Variants in STYX observed in about 807,000 individuals in gnomAD.
STYX encodes the protein serine/threonine/tyrosine-interacting protein.
In STYX, 20 loss-of-function variants were observed where a neutral mutation model predicts 42.7. That is an observed-to-expected ratio of 0.47 (90% confidence interval 0.33 to 0.68). The LOEUF (loss-of-function observed/expected upper bound fraction) is 0.68, where lower values mean the gene tolerates loss of function less well. Among genes scored for constraint, STYX ranks in the 30% least tolerant of loss-of-function variants. STYX has a pLI of 0.02. For missense variants in STYX, 226 were observed against 268.5 expected (o/e 0.84, Z 1.11); for synonymous variants, 78 against 81.9 (o/e 0.95, Z 0.26).
chr14:52,734,908 T>C (rs1302203088), intron 1 of STYX, among the ~76,000 whole-genome samples: 1 of 151,898 alleles, frequency 6.6e-6, no homozygotes, highest in Non-Finnish European at 1.5e-5. Context: ...TAAAAAAAAA[T>C]TAGCCAGGTA....
intron 1 of STYX, among the ~76,000 whole-genome samples, chr14:52,739,829 A>C (rs182782329): frequency 1.5e-4 from 22 of 151,464 alleles, no homozygotes; most frequent in Admixed American, 4.6e-4. Context: ...ATTTTTGTAG[A>C]GATGAGGTCT....
chr14:52,770,974 T>C, intron 10 of STYX, 59 bp from the exon 11 acceptor site: 1 of 1,545,150 alleles, frequency 6.5e-7, no homozygotes, highest in Non-Finnish European at 8.9e-7. Flanking sequence ...TTACTTGCTG[T>C]AACCTTTTAA....
chr14:52,752,335 C>T (rs1881651250), intron 4 of STYX, among the ~76,000 whole-genome samples: 2 of 151,850 alleles, frequency 1.3e-5, no homozygotes, highest in South Asian at 4.2e-4. Flanking sequence ...CGTGGTGGCA[C>T]ATGCCTGTAG....
intron 1 of STYX, chr14:52,731,651 G>T (rs542573668): frequency 6.6e-6 from 1 of 151,936 alleles, no homozygotes; most frequent in South Asian, 2.1e-4. Flanking sequence ...TGGCCAGGGT[G>T]GTCTCGATCT....
intron 9 of STYX, among the ~76,000 whole-genome samples, chr14:52,761,328 CAA>C (rs55985975): frequency 1.8e-4 from 19 of 106,566 alleles, no homozygotes; most frequent in Non-Finnish European, 1.3e-4. Context: ...AACTCCGTGT[CAA>C]AAAAAAAAAA....
intron 1 of STYX, among the ~76,000 whole-genome samples, 171 bp downstream of exon 1, chr14:52,730,702 C>A (rs1880663315): frequency 2.0e-5 from 3 of 152,236 alleles, no homozygotes. Flanking sequence ...CTGAGTTGCT[C>A]GTCCTCTCCA....
At chr14:52,739,632 C>CTTTTTTTTTTTTTTTTTTTTTTTCT (rs1881105226) in intron 1 of STYX, among the ~76,000 whole-genome samples, 1 of 65,730 alleles carries the variant, frequency 1.5e-5, no homozygotes, top group Non-Finnish European at 2.7e-5. Flanking sequence ...TCCTTTCTTT[C>CTTTTTTTTTTTTTTTTTTTTTTTCT]TTTTTTTTTT....
At chr14:52,737,419 T>C (rs1170146246) in intron 1 of STYX, among the ~76,000 whole-genome samples, 1 of 152,240 alleles carries the variant, frequency 6.6e-6, no homozygotes, top group Non-Finnish European at 1.5e-5. Context: ...TTTTCACTTG[T>C]GAATTAATTT....
chr14:52,750,315 G>A (rs1881561397), intron 3 of STYX, among the ~76,000 whole-genome samples: 1 of 152,084 alleles, frequency 6.6e-6, no homozygotes, highest in South Asian at 2.1e-4. Flanking sequence ...ACTGTTTTAT[G>A]TCTTAGTGGT....
At position 52,773,360 on chromosome 14, in the gene STYX, A is replaced by T. The variant is rs1303030008; in HGVS notation, c.*2254A>T. 7.0e-6 allele frequency: 1 copy of T among 143,480 alleles called. No individual in the cohort carries two copies. Among genetic ancestry groups the T allele is most frequent in the Non-Finnish European group, 1.5e-5 (1 of 66,170 alleles). 8.9% of individuals were successfully genotyped at this position (143,480 alleles called of 1,614,324 possible). On this transcript the variant is annotated 3_prime_UTR_variant, in exon 11 of 11. Transcript: ENST00000354586. ...AGATAGATTTTTTTTTTTTTTTGAG[A>T]CAGAGTCTCTAATGTCACCCAGGCT...
intron 9 of STYX, among the ~76,000 whole-genome samples, chr14:52,764,666 C>CTTTTT (rs58502916): frequency 1.9e-4 from 19 of 98,964 alleles, no homozygotes; most frequent in Non-Finnish European, 2.5e-4. Flanking sequence ...TTTACTTTTC[C>CTTTTT]TTTTTTTTTT....
chr14:52,773,701 T>G lies in STYX; in HGVS notation c.*2595T>G, dbSNP rs1174790179. Reference sequence around the variant, plus strand: ...ATTTCATATAAGAACATTACAGGTTTGTTTTTTCTTGCATGTCTGTCCACC... The same window carrying G: ...ATTTCATATAAGAACATTACAGGTTGGTTTTTTCTTGCATGTCTGTCCACC... On this transcript the variant is annotated 3_prime_UTR_variant, in exon 11 of 11. Transcript: ENST00000354586. 1 of 152,218 alleles carries G rather than the reference T, an allele frequency of 6.6e-6. No individual in the cohort carries two copies. Among genetic ancestry groups the G allele is most frequent in the East Asian group, 1.9e-4 (1 of 5,198 alleles). The allele number at this position is 152,218 out of a possible 1,614,324, so 9.4% of individuals were successfully genotyped here.
rs1434886100 is a variant in STYX at position 52,774,309 on chromosome 14, A to G, written c.*3203A>G. 1.3e-5 allele frequency: 2 copies of G among 152,154 alleles called. No homozygotes were observed. The highest frequency in any genetic ancestry group is 3.8e-4 in the East Asian group (2 of 5,198). 9.4% of individuals were successfully genotyped at this position (152,154 alleles called of 1,614,324 possible). A position where few individuals can be genotyped will look rare whatever the true frequency, so the allele number is the denominator to read the frequency against. The stretch of plus-strand genomic sequence containing the variant: ...AATTCAAGTGAATTAGAAATATTTA[A>G]CTGCAATCTTGAATTATAAAGTTGA... On this transcript the variant is annotated 3_prime_UTR_variant, in exon 11 of 11. Coordinates refer to ENST00000354586, the MANE Select transcript of STYX (RefSeq NM_145251.4).
chr14:52,746,443 G>A lies in STYX; in HGVS notation c.108G>A (p.Leu36=). The A allele has an allele frequency of 6.4e-7, 1 of 1,554,558 alleles. No individual in the cohort carries two copies. The highest frequency in any genetic ancestry group is 1.2e-5 in the South Asian group (1 of 82,778). ...TTTTCTAGGAAATTTTACCTGGATTGTTCTTAGGCCCATATTCATCTGCTA... is the reference window on the plus strand; with the variant it reads ...TTTTCTAGGAAATTTTACCTGGATTATTCTTAGGCCCATATTCATCTGCTA... ...RREMQEILPG[L]FLGPYSSAMK... is the part of the protein sequence containing the mutation. The change falls in exon 3 of 11, where the codon TTG becomes TTA. Residue 36 remains leucine, a synonymous_variant. Coordinates refer to ENST00000354586, the MANE Select transcript of STYX (RefSeq NM_145251.4).
At chr14:52,768,526 C>A (rs1882394687) in intron 9 of STYX, among the ~76,000 whole-genome samples, 1 of 152,052 alleles carries the variant, frequency 6.6e-6, no homozygotes, top group Non-Finnish European at 1.5e-5. Context: ...TTGAGATTGC[C>A]AATTTAAGTT....
Position 52,730,251 on chromosome 14 carries a change from G to A in STYX, c.-224G>A, listed in dbSNP as rs1183843984. The stretch of plus-strand genomic sequence containing the variant: ...GGGAGGGAGACGGCAGCGGCATGGC[G>A]GCCGGGTGTAAGACGCCCGACCCTC... On this transcript the variant is annotated 5_prime_UTR_variant, in exon 1 of 11. Transcript: ENST00000354586. 2 of 568,816 alleles carry A rather than the reference G, an allele frequency of 3.5e-6. No homozygotes were observed. The highest frequency in any genetic ancestry group is 6.3e-6 in the Non-Finnish European group (2 of 318,316). The allele number at this position is 568,816 out of a possible 1,614,324, so 35.2% of individuals were successfully genotyped here. A position where few individuals can be genotyped will look rare whatever the true frequency, so the allele number is the denominator to read the frequency against.
rs1466428328 is a variant in STYX, at chr14:52,732,596, G to A, written c.57+2065G>A. Reference sequence around the variant, plus strand: ...CCAATATACTCTTAGAAAACAGGAGGTCATATTTAGGCTAGTTATAAAAAT... The same window carrying A: ...CCAATATACTCTTAGAAAACAGGAGATCATATTTAGGCTAGTTATAAAAAT... On this transcript the variant is annotated intron_variant, in intron 1 of 10. Coordinates refer to ENST00000354586, the MANE Select transcript of STYX (RefSeq NM_145251.4). Among the ~76,000 whole-genome samples, 6 of 151,730 alleles carry A rather than the reference G, an allele frequency of 4.0e-5. No homozygotes were observed. The East Asian group carries it at 1.2e-3, about 30-fold the overall frequency.
At chr14:52,765,910 C>T (rs758018614) in intron 9 of STYX, among the ~76,000 whole-genome samples, 3 of 152,146 alleles carry the variant, frequency 2.0e-5, no homozygotes, top group African/African-American at 4.8e-5. Flanking sequence ...TCCTGACAGG[C>T]GATGGACCGA....
Position 52,773,017 on chromosome 14 carries a change from C to G in STYX, c.*1911C>G, listed in dbSNP as rs1882573951. On this transcript the variant is annotated 3_prime_UTR_variant, in exon 11 of 11. Coordinates refer to ENST00000354586, the MANE Select transcript of STYX (RefSeq NM_145251.4). ...CACTATTGGGCAGGTCAGCAAAGATCTCTTACAGTGTAATAATAATCTATG... is the reference window on the plus strand; with the variant it reads ...CACTATTGGGCAGGTCAGCAAAGATGTCTTACAGTGTAATAATAATCTATG... 1 of 152,044 alleles carries G rather than the reference C, an allele frequency of 6.6e-6. No individual in the cohort carries two copies. The highest frequency in any genetic ancestry group is 2.4e-5 in the African/African-American group (1 of 41,378). 9.4% of individuals were successfully genotyped at this position (152,044 alleles called of 1,614,324 possible).
Sources: allele counts gnomAD v4.1 joint callset (sites outside exome capture counted in the v4.1 genomes callset), GRCh38; gene constraint gnomAD v4.1.1; transcripts MANE v1.5; gene names NCBI Gene and HGNC (gene_info 2026-07-23, HGNC 2026-07-21).